The following UGT2A3 variants were observed in gnomAD, a reference collection of about 807,000 sequenced individuals.
The protein encoded by UGT2A3 is UDP glucuronosyltransferase family 2 member A3.
A neutral mutation model predicts 44.1 loss-of-function variants in UGT2A3; 55 were observed. The observed-to-expected ratio is 1.25, with a 90% CI of 1.00 to 1.56. The LOEUF (loss-of-function observed/expected upper bound fraction) is 1.56. UGT2A3 is among the 40% of genes most tolerant of loss of function. The pLI, the probability that UGT2A3 is intolerant of heterozygous loss-of-function variation, is 0.00. For missense variants in UGT2A3, 733 were observed against 621.6 expected, an observed-to-expected ratio of 1.18 and a Z score of -1.91; for synonymous variants, 243 against 215.1, an observed-to-expected ratio of 1.13 and a Z score of -1.13.
In UGT2A3 at chr4:68,929,304, A is replaced by T. The variant is rs1476117072; in HGVS notation, c.*509T>A. Reference sequence around the variant, plus strand: ...ATAATGCCATGTCATCATTATTAGCAATTTATTTTCTGAGATCACTGATGC... The same window carrying T: ...ATAATGCCATGTCATCATTATTAGCTATTTATTTTCTGAGATCACTGATGC... On this transcript the variant is annotated 3_prime_UTR_variant, in exon 6 of 6. Transcript: ENST00000251566. The T allele has an allele frequency of 6.6e-6, 1 of 152,262 alleles. No individual in the cohort carries two copies. The highest frequency in any genetic ancestry group is 1.5e-5 in the Non-Finnish European group (1 of 68,148). The allele number at this position is 152,262 out of a possible 1,614,324, so 9.4% of individuals were successfully genotyped here.
intron 2 of UGT2A3, among the ~76,000 whole-genome samples, chr4:68,945,078 A>C (rs1262336562): frequency 6.6e-6 from 1 of 151,854 alleles, no homozygotes; most frequent in South Asian, 2.1e-4. Flanking sequence ...TTGTAATACT[A>C]GTATTTTAAA....
At chr4:68,941,787 A>C (rs1445969127) in intron 2 of UGT2A3, among the ~76,000 whole-genome samples, 1 of 151,912 alleles carries the variant, frequency 6.6e-6, no homozygotes, top group Non-Finnish European at 1.5e-5. Flanking sequence ...TCAGTCAATA[A>C]AAATAAATTA....
chr4:68,946,723 C>T (rs921525999), intron 1 of UGT2A3, among the ~76,000 whole-genome samples: 3 of 151,584 alleles, frequency 2.0e-5, no homozygotes, highest in Admixed American at 2.0e-4. Flanking sequence ...AATAATTTCA[C>T]ATCTTATTTG....
intron 2 of UGT2A3, among the ~76,000 whole-genome samples, chr4:68,945,000 C>T (rs1325995800): frequency 6.6e-6 from 1 of 151,702 alleles, no homozygotes; most frequent in Non-Finnish European, 1.5e-5. Flanking sequence ...GTGAGAAAGG[C>T]TAGAGCATTC....
At chr4:68,944,463 A>T (rs1284773193) in intron 2 of UGT2A3, among the ~76,000 whole-genome samples, 4 of 151,848 alleles carry the variant, frequency 2.6e-5, no homozygotes, top group Non-Finnish European at 5.9e-5. Context: ...TTAAAAAACT[A>T]TAACAACTAT....
At chr4:68,944,449 A>G (rs186439295) in intron 2 of UGT2A3, among the ~76,000 whole-genome samples, 6 of 151,922 alleles carry the variant, frequency 3.9e-5, no homozygotes, top group African/African-American at 1.4e-4. Context: ...TACTTACAAA[A>G]CTATTAAAAA....
intron 2 of UGT2A3, among the ~76,000 whole-genome samples, chr4:68,941,584 T>A (rs527351248): frequency 6.6e-6 from 1 of 152,018 alleles, no homozygotes; most frequent in East Asian, 2.0e-4. Flanking sequence ...TAGGCAAGGA[T>A]TTTTTTGGAT....
chr4:68,943,483 A>G, intron 2 of UGT2A3: 1 of 355,770 alleles, frequency 2.8e-6, no homozygotes, highest in Non-Finnish European at 4.6e-6. Flanking sequence ...CTGGCTCTGA[A>G]ACCTTCCTTA....
rs1717617145 is a variant in UGT2A3 at position 68,928,966 on chromosome 4, TTCA to T, written c.*844_*846del. 6.6e-6 allele frequency: 1 copy of T among 152,090 alleles called. No individual in the cohort carries two copies. Among genetic ancestry groups the T allele is most frequent in the Non-Finnish European group, 1.5e-5 (1 of 67,992 alleles). 9.4% of individuals were successfully genotyped at this position (152,090 alleles called of 1,614,324 possible). A position where few individuals can be genotyped will look rare whatever the true frequency, so the allele number is the denominator to read the frequency against. On this transcript the variant is annotated 3_prime_UTR_variant, in exon 6 of 6. Coordinates refer to ENST00000251566, the MANE Select transcript of UGT2A3 (RefSeq NM_024743.4). ...ATTATAGAGATAAGAATTATGAGTA[TTCA>T]TCATTTTTAAAGAATAAACATATAA...
At position 68,945,470 on chromosome 4, in the gene UGT2A3, A is replaced by C; in HGVS notation, c.716-16T>G. The C allele has an allele frequency of 6.3e-7, 1 of 1,582,164 alleles. No individual in the cohort carries two copies. Reference sequence around the variant, plus strand: ...GTGGGCCTTCCTCAATAAAAGAAATAACAGAATGAATTAGCATACAATTCA... The same window carrying C: ...GTGGGCCTTCCTCAATAAAAGAAATCACAGAATGAATTAGCATACAATTCA... On this transcript the variant is annotated splice_polypyrimidine_tract_variant and intron_variant, in intron 1 of 5. Coordinates refer to ENST00000251566, the MANE Select transcript of UGT2A3 (RefSeq NM_024743.4).
intron 2 of UGT2A3, among the ~76,000 whole-genome samples, chr4:68,933,959 A>C (rs1371811786): frequency 3.3e-5 from 5 of 151,976 alleles, no homozygotes; most frequent in Non-Finnish European, 5.9e-5. Context: ...AGCAGTACAC[A>C]CTTAACACCA....
chr4:68,951,542 T>C lies in UGT2A3; in HGVS notation c.219A>G (p.Lys73=). 1 of 1,613,074 alleles carries C rather than the reference T, an allele frequency of 6.2e-7. No homozygotes were observed. The highest frequency in any genetic ancestry group is 8.5e-7 in the Non-Finnish European group (1 of 1,179,472). ...CCTGTGGCATATGGACCACCTCAAA[T>C]TTCAATGCAGAAGGCTTCCTGTAGT... ...LIDYRKPSAL[K]FEVVHMPQDR... is the part of the protein sequence containing the mutation. Residue 73 remains lysine (K), a synonymous_variant, in exon 1 of 6, where the codon AAA becomes AAG. Coordinates refer to ENST00000251566, the MANE Select transcript of UGT2A3 (RefSeq NM_024743.4).
chr4:68,940,363 C>A (rs186528587), intron 2 of UGT2A3, among the ~76,000 whole-genome samples: 86 of 152,206 alleles, frequency 5.7e-4, no homozygotes, highest in African/African-American at 1.9e-3. Context: ...GAATACTATG[C>A]AGCCATAAAT....
At chr4:68,941,686 C>A (rs1159715) in intron 2 of UGT2A3, among the ~76,000 whole-genome samples, 18,008 of 151,810 alleles carry the variant, frequency 0.12, 1,565 homozygotes, top group Admixed American at 0.24. Context: ...AAGCAAACAA[C>A]AGGGTGAAGA....
At chr4:68,948,440 T>G (rs1230643878) in intron 1 of UGT2A3, among the ~76,000 whole-genome samples, 1 of 12,210 alleles carries the variant, frequency 8.2e-5, no homozygotes, top group Non-Finnish European at 3.4e-4. Context: ...CTTTTTTTTC[T>G]TTTTTTTTTT....
At chr4:68,943,914 T>G (rs898136979) in intron 2 of UGT2A3, among the ~76,000 whole-genome samples, 9 of 151,756 alleles carry the variant, frequency 5.9e-5, no homozygotes, top group African/African-American at 2.2e-4. Context: ...CAGTTCCCCA[T>G]TGGAAACCCA....
At position 68,951,668 on chromosome 4, in the gene UGT2A3, A is replaced by C; in HGVS notation, c.93T>G (p.Cys31Trp). ...GFCGKVLVWP[C>W]DMSHWLNVKV... ...TGACATTAAGCCAATGGCTCATGTC[A>C]CAGGGCCACACCAGGACTTTCCCAC... The change falls in exon 1 of 6, where the codon TGT (cysteine) becomes TGG (tryptophan). Residue 31 changes from cysteine to tryptophan, a missense_variant. Coordinates refer to ENST00000251566, the MANE Select transcript of UGT2A3 (RefSeq NM_024743.4). 1 of 1,612,216 alleles carries C rather than the reference A, an allele frequency of 6.2e-7. No homozygotes were observed. The highest frequency in any genetic ancestry group is 8.5e-7 in the Non-Finnish European group (1 of 1,179,358).
chr4:68,933,853 A>T (rs1343845634), intron 2 of UGT2A3, among the ~76,000 whole-genome samples: 1 of 151,992 alleles, frequency 6.6e-6, no homozygotes, highest in Non-Finnish European at 1.5e-5. Context: ...CATGGAAGAG[A>T]TTTAGCTCTA....
chr4:68,944,509 C>A lies in UGT2A3; in HGVS notation c.864+797G>T, dbSNP rs142797326. 5.3e-3 allele frequency among the ~76,000 whole-genome samples: 805 copies of A among 151,896 alleles called. 10 individuals carry two copies. The highest frequency in any genetic ancestry group is 0.018 in the African/African-American group (768 of 41,514). ...TACTTCTCAATATTGTTTCTTTCAA[C>A]ATTCCTTGAACTATAAATTTTTTCC... On this transcript the variant is annotated intron_variant, in intron 2 of 5. Transcript: ENST00000251566.
Sources: allele counts gnomAD v4.1 joint callset (sites outside exome capture counted in the v4.1 genomes callset), GRCh38; gene constraint gnomAD v4.1.1; transcripts MANE v1.5; gene names NCBI Gene and HGNC (gene_info 2026-07-23, HGNC 2026-07-21).